The following CSNK1G1 variants were observed in gnomAD, a reference collection of about 807,000 sequenced individuals.
The protein encoded by CSNK1G1 is casein kinase 1 gamma 1, also known as casein kinase I isoform gamma-1.
Under a neutral mutation model 59.6 loss-of-function variants are expected in CSNK1G1, and 22 were observed. That is an observed-to-expected ratio of 0.37 (90% CI 0.26 to 0.53). CSNK1G1 has a LOEUF of 0.53. CSNK1G1 is among the 20% of genes least tolerant of loss of function. The pLI, the probability that CSNK1G1 is intolerant of heterozygous loss-of-function variation, is 0.89. For missense variants in CSNK1G1, 384 were observed against 519.5 expected, an observed-to-expected ratio of 0.74 and a Z score of 2.54; for synonymous variants, 179 against 177.1, an observed-to-expected ratio of 1.01 and a Z score of -0.08.
chr15:64,250,098 T>C (rs1379692073), intron 4 of CSNK1G1, among the ~76,000 whole-genome samples: 3 of 152,136 alleles, frequency 2.0e-5, no homozygotes, highest in African/African-American at 4.8e-5. Flanking sequence ...AACAACATTA[T>C]AAAACCAGGA....
intron 5 of CSNK1G1, among the ~76,000 whole-genome samples, chr15:64,215,204 C>CTTTTTTTTT (rs11343127): frequency 1.2e-5 from 1 of 81,728 alleles, no homozygotes; most frequent in Non-Finnish European, 2.1e-5. Flanking sequence ...TTTCTACTAA[C>CTTTTTTTTT]TTTTTTTTTT....
At chr15:64,199,344 A>G (rs570828353) in intron 10 of CSNK1G1, among the ~76,000 whole-genome samples, 1 of 152,156 alleles carries the variant, frequency 6.6e-6, no homozygotes, top group South Asian at 2.1e-4. Context: ...TTCAAAAATA[A>G]GCATAGTAGT....
At chr15:64,332,701 A>T (rs1267540250) in intron 1 of CSNK1G1, among the ~76,000 whole-genome samples, 2 of 151,680 alleles carry the variant, frequency 1.3e-5, no homozygotes, top group Admixed American at 6.6e-5. Flanking sequence ...TAAAATAAAA[A>T]AACCCAAATC....
At chr15:64,233,360 T>TCTC (rs541789213) in intron 4 of CSNK1G1, among the ~76,000 whole-genome samples, 10 of 137,822 alleles carry the variant, frequency 7.3e-5, no homozygotes, top group African/African-American at 2.5e-4. Flanking sequence ...CTCTCTCTCT[T>TCTC]TCTCTCTTTT....
chr15:64,235,289 GT>G (rs572114432), intron 4 of CSNK1G1, among the ~76,000 whole-genome samples: 16 of 152,294 alleles, frequency 1.1e-4, no homozygotes, highest in African/African-American at 3.8e-4. Flanking sequence ...AATCAAAACA[GT>G]GTTGACTAAG....
intron 1 of CSNK1G1, among the ~76,000 whole-genome samples, chr15:64,337,962 G>A (rs990575575): frequency 2.6e-5 from 4 of 152,186 alleles, no homozygotes; most frequent in Non-Finnish European, 5.9e-5. Context: ...GTCATAGCAT[G>A]TGTCAGAATT....
rs549758863 is a variant in CSNK1G1, at chr15:64,194,138, G to C, written c.1107+8944C>G. 3.3e-5 allele frequency: 5 copies of C among 151,426 alleles called. No homozygotes were observed. In the South Asian group the frequency reaches 1.0e-3, roughly 31 times the overall value. The allele number at this position is 151,426 out of a possible 1,614,324, so 9.4% of individuals were successfully genotyped here. On this transcript the variant is annotated intron_variant, in intron 10 of 11. Transcript: ENST00000303052. Reference sequence around the variant, plus strand: ...CCTGCACTGAGCTCTATGTGGAGCTGTGGCCATCCTGTGGCCAGGAGGAGT... The same window carrying C: ...CCTGCACTGAGCTCTATGTGGAGCTCTGGCCATCCTGTGGCCAGGAGGAGT...
At chr15:64,305,632 T>C (rs1273032592) in intron 1 of CSNK1G1, among the ~76,000 whole-genome samples, 1 of 150,416 alleles carries the variant, frequency 6.6e-6, no homozygotes, top group Admixed American at 6.6e-5. Flanking sequence ...ACTGGGAGGA[T>C]TGTTTGAGCC....
At chr15:64,345,621 A>G (rs1004262453) in intron 1 of CSNK1G1, among the ~76,000 whole-genome samples, 1 of 152,118 alleles carries the variant, frequency 6.6e-6, no homozygotes, top group Non-Finnish European at 1.5e-5. Flanking sequence ...GTCAATTAAG[A>G]CCTAATAACC....
intron 10 of CSNK1G1, among the ~76,000 whole-genome samples, chr15:64,193,738 G>A (rs912058474): frequency 2.6e-5 from 4 of 152,084 alleles, no homozygotes; most frequent in African/African-American, 7.2e-5. Flanking sequence ...ATTCTGTGAC[G>A]CTTTTAGAAA....
intron 1 of CSNK1G1, among the ~76,000 whole-genome samples, chr15:64,303,006 G>C (rs1353512859): frequency 2.0e-5 from 3 of 151,828 alleles, no homozygotes; most frequent in Non-Finnish European, 4.4e-5. Flanking sequence ...ATCACACATA[G>C]CCCTCATTAT....
At chr15:64,213,725 T>G (rs1042815959) in intron 6 of CSNK1G1, among the ~76,000 whole-genome samples, 165 bp downstream of exon 6, 1 of 152,240 alleles carries the variant, frequency 6.6e-6, no homozygotes, top group Non-Finnish European at 1.5e-5. Context: ...TAGGATTCTT[T>G]GAAAAGTCAT....
intron 1 of CSNK1G1, among the ~76,000 whole-genome samples, chr15:64,322,279 C>T (rs1009816504): frequency 6.6e-6 from 1 of 152,122 alleles, no homozygotes; most frequent in Non-Finnish European, 1.5e-5. Flanking sequence ...AACAGTTAAA[C>T]CTTTTTCCTT....
At position 64,210,061 on chromosome 15, in the gene CSNK1G1, AG is replaced by A. The variant is rs2082231519; in HGVS notation, c.680-2468del. Among the ~76,000 whole-genome samples the A allele has an allele frequency of 6.6e-6, 1 of 152,176 alleles. No homozygotes were observed. Among genetic ancestry groups the A allele is most frequent in the South Asian group, 2.1e-4 (1 of 4,826 alleles). On this transcript the variant is annotated intron_variant, in intron 6 of 11. Coordinates refer to ENST00000303052, the MANE Select transcript of CSNK1G1 (RefSeq NM_022048.5). This position sits in a 1 kb window ranked among gnomAD's most constrained non-coding sequence, Gnocchi z 4.2. ...TTTCAAATCCTGAGAACTATGAAAA[AG>A]AACTATAGAATATGGGACAATAGGA...
At chr15:64,330,655 A>G (rs913281074) in intron 1 of CSNK1G1, among the ~76,000 whole-genome samples, 1 of 90,672 alleles carries the variant, frequency 1.1e-5, no homozygotes, top group African/African-American at 4.5e-5. Context: ...TATTCAACAT[A>G]GTGTTGGAAG....
chr15:64,285,514 A>T (rs1894359859), intron 2 of CSNK1G1, among the ~76,000 whole-genome samples: 1 of 152,216 alleles, frequency 6.6e-6, no homozygotes, highest in Admixed American at 6.5e-5. Flanking sequence ...AAAATAAAGA[A>T]GACTAACAAG....
chr15:64,216,466 T>C lies in CSNK1G1; in HGVS notation c.444+96A>G. On this transcript the variant is annotated intron_variant, in intron 5 of 11. Transcript: ENST00000303052. The surrounding 1 kb of genome is among the most constrained non-coding windows in gnomAD (Gnocchi z 4.6). ...CATCAAGCCTGTGAGTACTAATTCTTGATGTGTTGCTACGGCTAGTAAATC... is the reference window on the plus strand; with the variant it reads ...CATCAAGCCTGTGAGTACTAATTCTCGATGTGTTGCTACGGCTAGTAAATC... 8.1e-7 allele frequency: 1 copy of C among 1,238,286 alleles called. No individual in the cohort carries two copies. The highest frequency in any genetic ancestry group is 1.1e-6 in the Non-Finnish European group (1 of 872,930). 76.7% of individuals were successfully genotyped at this position (1,238,286 alleles called of 1,614,324 possible). A position where few individuals can be genotyped will look rare whatever the true frequency, so the allele number is the denominator to read the frequency against.
intron 1 of CSNK1G1, among the ~76,000 whole-genome samples, chr15:64,320,571 T>C (rs1336580958): frequency 6.8e-6 from 1 of 147,914 alleles, no homozygotes; most frequent in Admixed American, 6.8e-5. Flanking sequence ...CCCAGCTACT[T>C]GGGAGGCTGA....
intron 2 of CSNK1G1, among the ~76,000 whole-genome samples, chr15:64,282,276 T>C (rs574480334): frequency 3.9e-5 from 6 of 152,190 alleles, no homozygotes; most frequent in African/African-American, 1.4e-4. Context: ...TTTTATTTTT[T>C]ATTTTTTTGA....
Sources: allele counts gnomAD v4.1 joint callset (sites outside exome capture counted in the v4.1 genomes callset), GRCh38; gene constraint gnomAD v4.1.1; non-coding constraint Gnocchi (gnomAD v3.1); transcripts MANE v1.5; gene names NCBI Gene and HGNC (gene_info 2026-07-23, HGNC 2026-07-21).